Variants in CTNNA2 observed in about 807,000 individuals in gnomAD.
The protein encoded by CTNNA2 is catenin alpha-2.
Under a neutral mutation model 101.0 loss-of-function variants are expected in CTNNA2, and 42 were observed. The observed-to-expected ratio is 0.42, with a 90% confidence interval of 0.32 to 0.54. CTNNA2 has a LOEUF of 0.54. CTNNA2 is among the 20% of genes least tolerant of loss of function. CTNNA2 has a pLI of 0.14. For missense variants in CTNNA2, 871 were observed against 1,223.1 expected (o/e 0.71, Z 4.29); for synonymous variants, 450 against 456.4 (o/e 0.99, Z 0.18).
chr2:80,043,068 T>C (rs972740837), intron 7 of CTNNA2, among the ~76,000 whole-genome samples: 1 of 53,542 alleles, frequency 1.9e-5, no homozygotes, highest in Non-Finnish European at 3.8e-5. Context: ...TCTTTCTTTC[T>C]TTCTTTCTTT....
At chr2:79,990,211 C>T (rs1455102230) in intron 7 of CTNNA2, among the ~76,000 whole-genome samples, 1 of 152,080 alleles carries the variant, frequency 6.6e-6, no homozygotes, top group Non-Finnish European at 1.5e-5. Context: ...AGCGCAACCC[C>T]AGGGAACAAT....
At chr2:80,625,797 C>G (rs1671623031) in intron 18 of CTNNA2, among the ~76,000 whole-genome samples, 1 of 152,028 alleles carries the variant, frequency 6.6e-6, no homozygotes, top group Admixed American at 6.6e-5. Context: ...GTGAAAGCAT[C>G]TGACTTCAAA....
At chr2:79,902,632 T>C (rs1449081635) in intron 6 of CTNNA2, among the ~76,000 whole-genome samples, 1 of 150,080 alleles carries the variant, frequency 6.7e-6, no homozygotes, top group Non-Finnish European at 1.5e-5. Flanking sequence ...TCCTCTTCTT[T>C]TTTTTTTTTT....
At chr2:79,198,168 G>A (rs1044436386) in intron 2 of CTNNA2, 7 of 152,074 alleles carry the variant, frequency 4.6e-5, no homozygotes, top group East Asian at 1.9e-4. Flanking sequence ...GAAAATGAGG[G>A]TACAAAAATG....
chr2:80,049,825 A>T (rs553447382), intron 7 of CTNNA2, among the ~76,000 whole-genome samples: 9 of 151,950 alleles, frequency 5.9e-5, no homozygotes, highest in African/African-American at 2.2e-4. Context: ...CTCTTTTTGA[A>T]TTTTTTTTCC....
intron 7 of CTNNA2, among the ~76,000 whole-genome samples, chr2:80,245,735 A>G (rs1285005628): frequency 3.4e-5 from 5 of 148,714 alleles, no homozygotes; most frequent in Non-Finnish European, 7.4e-5. Flanking sequence ...GTGGTACTTC[A>G]TGACATCTCT....
At chr2:79,263,047 G>A (rs989715240) in intron 2 of CTNNA2, among the ~76,000 whole-genome samples, 2 of 152,158 alleles carry the variant, frequency 1.3e-5, no homozygotes, top group Admixed American at 1.3e-4. Flanking sequence ...TTCAGTCATA[G>A]AGTAGTCTAT....
At chr2:79,493,962 G>A (rs142153573) in intron 4 of CTNNA2, 11 of 151,988 alleles carry the variant, frequency 7.2e-5, no homozygotes, top group African/African-American at 2.7e-4. Flanking sequence ...AATAATAAAC[G>A]AGGTAACAAT....
chr2:79,636,430 A>G (rs141584752), intron 1 of CTNNA2, among the ~76,000 whole-genome samples: 31 of 152,182 alleles, frequency 2.0e-4, no homozygotes, highest in African/African-American at 7.2e-4. Flanking sequence ...AGAACCATGA[A>G]GGGCATGGGT....
intron 2 of CTNNA2, among the ~76,000 whole-genome samples, chr2:79,662,649 T>G (rs921379153): frequency 1.3e-5 from 2 of 152,156 alleles, no homozygotes; most frequent in African/African-American, 2.4e-5. Context: ...AATTAAAGCT[T>G]GTCAGAGATC....
chr2:80,149,653 A>T (rs1703567832), intron 7 of CTNNA2, among the ~76,000 whole-genome samples: 1 of 152,154 alleles, frequency 6.6e-6, no homozygotes, highest in Non-Finnish European at 1.5e-5. Context: ...GCATTAACTA[A>T]GGAGATTGCC....
chr2:80,152,834 C>A (rs1244937551), intron 7 of CTNNA2, among the ~76,000 whole-genome samples: 1 of 152,180 alleles, frequency 6.6e-6, no homozygotes, highest in Non-Finnish European at 1.5e-5. Context: ...TCCTCTCCTG[C>A]TAGAGTTCAG....
chr2:80,262,349 A>G (rs1280183101), intron 7 of CTNNA2, among the ~76,000 whole-genome samples: 14 of 152,186 alleles, frequency 9.2e-5, no homozygotes, highest in Non-Finnish European at 4.4e-5. Flanking sequence ...TCCTCTAACC[A>G]GTACCCTATT....
chr2:80,622,675 G>C (rs894750528), intron 18 of CTNNA2, among the ~76,000 whole-genome samples: 4 of 151,958 alleles, frequency 2.6e-5, no homozygotes, highest in East Asian at 2.0e-4. Context: ...AAGCCTCTCT[G>C]TTGCTGTAGA....
chr2:79,249,431 C>A (rs1446831858), intron 2 of CTNNA2, among the ~76,000 whole-genome samples: 5 of 152,112 alleles, frequency 3.3e-5, no homozygotes, highest in Non-Finnish European at 5.9e-5. Context: ...ATCACCTGGA[C>A]GTTAATCAAA....
intron 3 of CTNNA2, among the ~76,000 whole-genome samples, chr2:79,782,542 GC>G (rs1288210793): frequency 7.2e-5 from 11 of 152,108 alleles, no homozygotes; most frequent in Non-Finnish European, 1.3e-4. Context: ...TGGCCTGCTT[GC>G]CTTCTTTTAG....
chr2:79,247,134 A>G (rs1248916792), intron 2 of CTNNA2, among the ~76,000 whole-genome samples: 2 of 152,130 alleles, frequency 1.3e-5, no homozygotes, highest in Non-Finnish European at 2.9e-5. Context: ...ATGTGGGAGG[A>G]ATTGTAGACA....
chr2:79,560,802 T>A (rs2104126325), intron 1 of CTNNA2, among the ~76,000 whole-genome samples: 1 of 152,096 alleles, frequency 6.6e-6, no homozygotes, highest in Non-Finnish European at 1.5e-5. Flanking sequence ...ATGTTCACCA[T>A]CAGCTATTGA....
intron 7 of CTNNA2, among the ~76,000 whole-genome samples, chr2:80,009,064 G>A (rs1693582677): frequency 6.6e-6 from 1 of 152,216 alleles, no homozygotes; most frequent in Non-Finnish European, 1.5e-5. Context: ...GGGTGGGATG[G>A]AAGTTGTCTT....
Sources: allele counts gnomAD v4.1 joint callset (sites outside exome capture counted in the v4.1 genomes callset), GRCh38; gene constraint gnomAD v4.1.1; transcripts MANE v1.5; gene names NCBI Gene and HGNC (gene_info 2026-07-23, HGNC 2026-07-21).